The following ANTXR1 variants were observed in gnomAD, a reference collection of about 807,000 sequenced individuals.
ANTXR1 encodes anthrax toxin receptor 1.
A neutral mutation model predicts 78.1 loss-of-function variants in ANTXR1; 19 were observed. The ratio of observed to expected loss-of-function variants is 0.24; its 90% CI spans 0.17 to 0.36. The LOEUF is 0.36. Among genes scored for constraint, ANTXR1 ranks in the 10% least tolerant of loss-of-function variants. The pLI is 1.00. For synonymous variants in ANTXR1, 273 were observed against 260.5 expected (o/e 1.05, Z -0.46); for missense variants, 518 against 718.6 (o/e 0.72, Z 3.19).
chr2:69,178,900 T>G (rs7601111), intron 14 of ANTXR1, among the ~76,000 whole-genome samples: 13,444 of 152,166 alleles, frequency 0.088, 1,996 homozygotes, highest in African/African-American at 0.31. Context: ...ATGAACCTAG[T>G]TGAGTCCCCT....
intron 1 of ANTXR1, among the ~76,000 whole-genome samples, chr2:69,020,383 A>G (rs1671149062): frequency 1.4e-5 from 2 of 142,052 alleles, no homozygotes; most frequent in Non-Finnish European, 2.9e-5. Flanking sequence ...ATAAAAATAA[A>G]TAAGGCAAAA....
chr2:69,170,730 C>T (rs1022143580), intron 14 of ANTXR1, among the ~76,000 whole-genome samples: 4 of 152,144 alleles, frequency 2.6e-5, no homozygotes, highest in Non-Finnish European at 5.9e-5. Context: ...CCCAATTCTT[C>T]ATTTTTCTTT....
intron 1 of ANTXR1, among the ~76,000 whole-genome samples, chr2:69,037,426 C>G (rs1313185299): frequency 6.6e-6 from 1 of 152,178 alleles, no homozygotes; most frequent in African/African-American, 2.4e-5. Flanking sequence ...TGAGTCCTGT[C>G]TGTGTTGGTT....
At chr2:69,099,774 T>A (rs1448769866) in intron 9 of ANTXR1, among the ~76,000 whole-genome samples, 1 of 152,172 alleles carries the variant, frequency 6.6e-6, no homozygotes, top group East Asian at 1.9e-4. Context: ...GAATAAATGA[T>A]CACCCTATCC....
At chr2:69,209,534 AC>A (rs1674987830) in intron 17 of ANTXR1, among the ~76,000 whole-genome samples, 1 of 152,234 alleles carries the variant, frequency 6.6e-6, no homozygotes, top group African/African-American at 2.4e-5. Flanking sequence ...GATTCACAGC[AC>A]CCAAGTGTTA....
chr2:69,239,980 A>G (rs977545707), intron 17 of ANTXR1, among the ~76,000 whole-genome samples: 2 of 152,268 alleles, frequency 1.3e-5, no homozygotes, highest in Non-Finnish European at 2.9e-5. Context: ...TTTTAGAGGT[A>G]ACATTAACCT....
chr2:69,197,567 A>G lies in ANTXR1; in HGVS notation c.1434+4152A>G, dbSNP rs184391727. 1.4e-3 allele frequency among the ~76,000 whole-genome samples: 211 copies of G among 152,286 alleles called. 2 individuals are homozygous for G. Among genetic ancestry groups the G allele is most frequent in the Non-Finnish European group, 1.6e-3 (108 of 68,032 alleles). On this transcript the variant is annotated intron_variant, in intron 17 of 17. Transcript: ENST00000303714. The stretch of plus-strand genomic sequence containing the variant: ...CTTTCCCATCCTCTCTACCGAGTGA[A>G]CCTAGCTTGGTAATATTGTTCATTG...
At chr2:69,021,109 C>G (rs539113899) in intron 1 of ANTXR1, among the ~76,000 whole-genome samples, 3 of 152,078 alleles carry the variant, frequency 2.0e-5, no homozygotes, top group African/African-American at 4.8e-5. Flanking sequence ...TTTACTGAAC[C>G]CTTGCTACCT....
At position 69,091,029 on chromosome 2, in the gene ANTXR1, T is replaced by G. The variant is rs13412636; in HGVS notation, c.703+110T>G. 100,144 of 1,145,082 alleles carry G rather than the reference T, an allele frequency of 0.087. 5,166 individuals carry two copies. Among genetic ancestry groups the G allele is most frequent in the African/African-American group, 0.15 (9,864 of 64,770 alleles). The allele number at this position is 1,145,082 out of a possible 1,614,324, so 70.9% of individuals were successfully genotyped here. ...GGTGGGAAAGAGGAACAGGAAGGGG[T>G]AGGGTGAAAAGAGGAGCTGAAATTG... On this transcript the variant is annotated intron_variant, in intron 9 of 17. Transcript: ENST00000303714.
At chr2:69,050,579 C>T (rs763244784) in intron 3 of ANTXR1, among the ~76,000 whole-genome samples, 7 of 151,092 alleles carry the variant, frequency 4.6e-5, no homozygotes, top group East Asian at 1.9e-4. Flanking sequence ...AGAGAGCAAA[C>T]GTTTGTTCAA....
At chr2:69,035,046 A>C (rs184844136) in intron 1 of ANTXR1, among the ~76,000 whole-genome samples, 10 of 152,234 alleles carry the variant, frequency 6.6e-5, no homozygotes, top group African/African-American at 2.4e-4. Context: ...GGCAGTTTCC[A>C]CACCAGAAGA....
At chr2:69,240,054 A>T (rs568052127) in intron 17 of ANTXR1, among the ~76,000 whole-genome samples, 37 of 152,380 alleles carry the variant, frequency 2.4e-4, no homozygotes, top group African/African-American at 8.9e-4. Context: ...AGAACCTAGG[A>T]GATGTCCAAG....
rs867256726 is a variant in ANTXR1, at chr2:69,048,212, A to T, written c.296+3399A>T. ...GTGAAGGAAGTTCAACTATTCATTT[A>T]AAAAAAAATAGATGCTCAATTTAAT... is the stretch of plus-strand genomic sequence containing the variant. On this transcript the variant is annotated intron_variant, in intron 3 of 17. Transcript: ENST00000303714. Among the ~76,000 whole-genome samples the T allele has an allele frequency of 4.0e-5, 6 of 151,312 alleles. No individual in the cohort carries two copies. The East Asian group carries it at 7.7e-4, about 19-fold the overall frequency.
intron 17 of ANTXR1, among the ~76,000 whole-genome samples, chr2:69,238,784 T>C (rs988335161): frequency 7.2e-5 from 11 of 152,242 alleles, no homozygotes; most frequent in African/African-American, 2.7e-4. Flanking sequence ...TTTTACGATC[T>C]AATTATTTTA....
intron 1 of ANTXR1, among the ~76,000 whole-genome samples, chr2:69,014,990 G>A (rs1670977464): frequency 6.6e-6 from 1 of 151,668 alleles, no homozygotes; most frequent in Non-Finnish European, 1.5e-5. Context: ...CAGACTTAGA[G>A]ACAGTGCATG....
intron 14 of ANTXR1, among the ~76,000 whole-genome samples, chr2:69,175,096 G>T (rs1348960144): frequency 6.6e-6 from 1 of 152,218 alleles, no homozygotes; most frequent in Non-Finnish European, 1.5e-5. Context: ...AGCATCAGGT[G>T]CTCCTTTCTT....
chr2:69,095,064 G>A (rs1671356088), intron 9 of ANTXR1, among the ~76,000 whole-genome samples: 1 of 152,164 alleles, frequency 6.6e-6, no homozygotes, highest in Non-Finnish European at 1.5e-5. Context: ...TTCAGACCAT[G>A]GTTTCAAGTC....
chr2:69,193,109 C>T (rs910755194), intron 16 of ANTXR1, among the ~76,000 whole-genome samples: 2 of 152,098 alleles, frequency 1.3e-5, no homozygotes, highest in Admixed American at 6.5e-5. Context: ...CCTCAGGGTG[C>T]GTCCTTCACA....
chr2:69,140,465 A>G (rs938902722), intron 12 of ANTXR1, among the ~76,000 whole-genome samples: 1 of 152,214 alleles, frequency 6.6e-6, no homozygotes. Flanking sequence ...ATATTTGAAC[A>G]TCCTCAGTAG....
Sources: allele counts gnomAD v4.1 joint callset (sites outside exome capture counted in the v4.1 genomes callset), GRCh38; gene constraint gnomAD v4.1.1; transcripts MANE v1.5; gene names NCBI Gene and HGNC (gene_info 2026-07-23, HGNC 2026-07-21).